The following FCHSD2 variants were observed in gnomAD, a reference collection of about 807,000 sequenced individuals.
The protein encoded by FCHSD2 is F-BAR and double SH3 domains protein 2.
In FCHSD2, 38 loss-of-function variants were observed where a neutral mutation model predicts 108.1. That is an observed-to-expected ratio of 0.35 (90% CI 0.27 to 0.46). The LOEUF is 0.46. Among genes scored for constraint, FCHSD2 ranks in the 20% least tolerant of loss-of-function variants. The pLI, the probability that FCHSD2 is intolerant of heterozygous loss-of-function variation, is 1.00. For synonymous variants in FCHSD2, 279 were observed against 314.7 expected (o/e 0.89, Z 1.20); for missense variants, 751 against 897.8 (o/e 0.84, Z 2.09).
chr11:72,936,710 TTATAG>T (rs1263780044), intron 8 of FCHSD2, among the ~76,000 whole-genome samples: 1 of 152,236 alleles, frequency 6.6e-6, no homozygotes, highest in African/African-American at 2.4e-5. Context: ...TGCTGAACAC[TTATAG>T]TATATCTTTA....
intron 6 of FCHSD2, among the ~76,000 whole-genome samples, chr11:72,988,433 C>T (rs1436078545): frequency 6.6e-6 from 1 of 152,084 alleles, no homozygotes; most frequent in Non-Finnish European, 1.5e-5. Flanking sequence ...CATACAATTG[C>T]TAAAGCATAC....
At chr11:73,135,891 T>C (rs1354242509) in intron 2 of FCHSD2, among the ~76,000 whole-genome samples, 2 of 152,136 alleles carry the variant, frequency 1.3e-5, no homozygotes, top group Admixed American at 6.6e-5. Context: ...GTTGCAGCAG[T>C]AGTGGCTCAT....
intron 8 of FCHSD2, among the ~76,000 whole-genome samples, chr11:72,939,902 G>A (rs543078969): frequency 2.0e-5 from 3 of 152,180 alleles, no homozygotes; most frequent in South Asian, 4.2e-4. Flanking sequence ...ACAGGCATGA[G>A]CCACCATGCC....
intron 4 of FCHSD2, among the ~76,000 whole-genome samples, chr11:73,009,104 T>C (rs754227557): frequency 4.2e-4 from 63 of 151,372 alleles, no homozygotes; most frequent in African/African-American, 1.5e-3. Flanking sequence ...GAGGTTTTAA[T>C]GACATTAAAT....
intron 5 of FCHSD2, among the ~76,000 whole-genome samples, chr11:72,990,438 T>G (rs1034141176): frequency 1.3e-5 from 2 of 152,176 alleles, no homozygotes; most frequent in Non-Finnish European, 2.9e-5. Flanking sequence ...ATTCCAAAAC[T>G]GACCACATAG....
intron 19 of FCHSD2, among the ~76,000 whole-genome samples, chr11:72,839,413 G>A (rs1860836237): frequency 6.6e-6 from 1 of 152,226 alleles, no homozygotes; most frequent in Admixed American, 6.5e-5. Context: ...AACAACTGGA[G>A]AAAGGATCAG....
chr11:73,142,066 TGAG>T lies in FCHSD2; in HGVS notation c.-192_-190del. On this transcript the variant is annotated 5_prime_UTR_variant, in exon 1 of 20. Transcript: ENST00000409418. ...GCGGACCCCAGCCAGAGAGCGAGTG[TGAG>T]GAGACGAGGGAGGAGCACCGGGAAG... The T allele has an allele frequency of 3.7e-6, 2 of 547,102 alleles. No individual in the cohort carries two copies. Among genetic ancestry groups the T allele is most frequent in the Non-Finnish European group, 3.2e-6 (1 of 313,596 alleles). 33.9% of individuals were successfully genotyped at this position (547,102 alleles called of 1,614,324 possible). A position where few individuals can be genotyped will look rare whatever the true frequency, so the allele number is the denominator to read the frequency against.
At chr11:72,860,891 G>A (rs1223594946) in intron 13 of FCHSD2, among the ~76,000 whole-genome samples, 2 of 152,018 alleles carry the variant, frequency 1.3e-5, no homozygotes, top group Non-Finnish European at 2.9e-5. Flanking sequence ...CAGAATTTGT[G>A]CAATGGACCT....
chr11:72,841,363 A>T, intron 18 of FCHSD2, 91 bp downstream of exon 18: 2 of 1,081,828 alleles, frequency 1.8e-6, no homozygotes, highest in Non-Finnish European at 2.6e-6. Flanking sequence ...AAAAAAAAAA[A>T]AGCAAATGCA....
At chr11:72,852,755 C>T (rs967579250) in intron 13 of FCHSD2, among the ~76,000 whole-genome samples, 2 of 151,692 alleles carry the variant, frequency 1.3e-5, no homozygotes, top group Admixed American at 6.6e-5. Flanking sequence ...AAATACTAAT[C>T]AATGACAAGT....
chr11:72,884,832 T>C (rs1476468948), intron 12 of FCHSD2, among the ~76,000 whole-genome samples: 1 of 152,074 alleles, frequency 6.6e-6, no homozygotes, highest in Non-Finnish European at 1.5e-5. Flanking sequence ...TGAGCTCAAG[T>C]GATCTTCCCA....
In FCHSD2 at chr11:72,921,970, A is replaced by C; in HGVS notation, c.706-20T>G. The C allele has an allele frequency of 6.5e-7, 1 of 1,542,436 alleles. No homozygotes were observed. Among genetic ancestry groups the C allele is most frequent in the Non-Finnish European group, 8.8e-7 (1 of 1,138,480 alleles). ...AAGAGCCTGTAATAGAGGAGTAAAT[A>C]AAAGAAAAAAAATTACAGTAAAGCC... On this transcript the variant is annotated intron_variant, in intron 8 of 19. Transcript: ENST00000409418.
At chr11:73,018,399 AT>A (rs1182000014) in intron 3 of FCHSD2, among the ~76,000 whole-genome samples, 2 of 152,148 alleles carry the variant, frequency 1.3e-5, no homozygotes, top group Non-Finnish European at 1.5e-5. Context: ...TATGCAAAGT[AT>A]CTTCGCCTCT....
intron 3 of FCHSD2, among the ~76,000 whole-genome samples, chr11:73,025,992 T>TTATGTATGTATG (rs200477185): frequency 1.7e-4 from 25 of 149,520 alleles, no homozygotes; most frequent in South Asian, 2.1e-4. Flanking sequence ...GAGATTCATT[T>TTATGTATGTATG]TATGTATGTA....
At chr11:73,140,206 C>T (rs1443994069) in intron 1 of FCHSD2, 78 bp from the exon 2 acceptor site, 2 of 701,844 alleles carry the variant, frequency 2.8e-6, no homozygotes, top group Non-Finnish European at 4.8e-6. Context: ...ATACATCTGT[C>T]AGAATATGTC....
rs564278477 is a variant in FCHSD2 at position 73,033,017 on chromosome 11, G to A, written c.166-17132C>T. On this transcript the variant is annotated intron_variant, in intron 3 of 19. Coordinates refer to ENST00000409418, the MANE Select transcript of FCHSD2 (RefSeq NM_014824.3). ...AAGAGTACTTAGATTGGCCGGGTGCGGTGGCTCACACCTGTAATCCCAGCA... is the reference window on the plus strand; with the variant it reads ...AAGAGTACTTAGATTGGCCGGGTGCAGTGGCTCACACCTGTAATCCCAGCA... Among the ~76,000 whole-genome samples, 6 of 152,186 alleles carry A rather than the reference G, an allele frequency of 3.9e-5. No individual in the cohort carries two copies. The South Asian group carries it at 6.2e-4, about 16-fold the overall frequency.
chr11:73,129,758 C>G (rs1011458897), intron 2 of FCHSD2, among the ~76,000 whole-genome samples: 7 of 152,126 alleles, frequency 4.6e-5, no homozygotes, highest in African/African-American at 1.7e-4. Context: ...CATGGGAAAA[C>G]TGTCTTCCAG....
At chr11:72,933,382 G>A (rs1371917544) in intron 8 of FCHSD2, among the ~76,000 whole-genome samples, 1 of 152,222 alleles carries the variant, frequency 6.6e-6, no homozygotes, top group East Asian at 1.9e-4. Context: ...ATTTGGCAAA[G>A]TGAAGATGGG....
intron 9 of FCHSD2, 148 bp downstream of exon 9, chr11:72,921,680 C>T (rs1467868638): frequency 3.1e-6 from 2 of 642,758 alleles, no homozygotes; most frequent in African/African-American, 3.6e-5. Context: ...GAATCTCCTC[C>T]AACTTTGTTA....
Sources: allele counts gnomAD v4.1 joint callset (sites outside exome capture counted in the v4.1 genomes callset), GRCh38; gene constraint gnomAD v4.1.1; transcripts MANE v1.5; gene names NCBI Gene and HGNC (gene_info 2026-07-23, HGNC 2026-07-21).